The following AFG2A variants were observed in gnomAD, a reference collection of about 807,000 sequenced individuals.
AFG2A encodes AAA ATPase AFG2A, also known as ATPase family gene 2 protein homolog A.
At chr4:123,082,755 A>T in the AFG2A span, among the ~76,000 whole-genome samples, 1 of 152,042 alleles carries the variant, frequency 6.6e-6, no homozygotes, top group African/African-American at 2.4e-5. Flanking sequence ...GATCAAGTTG[A>T]AAAGAATTGA....
chr4:123,317,598 A>G, the AFG2A span: 1 of 152,248 alleles, frequency 6.6e-6, no homozygotes, highest in Non-Finnish European at 1.5e-5. Flanking sequence ...TCCTAGGTGC[A>G]TATCCCAGAG....
the AFG2A span, among the ~76,000 whole-genome samples, chr4:123,030,849 A>G: frequency 6.6e-6 from 1 of 152,214 alleles, no homozygotes; most frequent in Non-Finnish European, 1.5e-5. Flanking sequence ...TTTGGAATCT[A>G]AAATGCTAAA....
the AFG2A span, among the ~76,000 whole-genome samples, chr4:123,118,355 A>AT: frequency 7.4e-6 from 1 of 134,728 alleles, no homozygotes; most frequent in South Asian, 2.3e-4. Flanking sequence ...TATATATATT[A>AT]TATATATATA....
chr4:123,196,696 A>G, the AFG2A span, among the ~76,000 whole-genome samples: 1 of 152,184 alleles, frequency 6.6e-6, no homozygotes, highest in Non-Finnish European at 1.5e-5. Context: ...GGAAGAGTAA[A>G]GTAAAATTAC....
the AFG2A span, among the ~76,000 whole-genome samples, chr4:123,304,840 G>GAAA: frequency 6.6e-6 from 1 of 152,160 alleles, no homozygotes; most frequent in South Asian, 2.1e-4. Context: ...TGCAGCTGCA[G>GAAA]AAAAAGGACG....
the AFG2A span, among the ~76,000 whole-genome samples, chr4:123,099,766 A>G: frequency 6.6e-6 from 1 of 151,836 alleles, no homozygotes; most frequent in Non-Finnish European, 1.5e-5. Flanking sequence ...CCGAAAACTC[A>G]TAAATCTACA....
the AFG2A span, among the ~76,000 whole-genome samples, chr4:123,105,977 G>A: frequency 2.6e-3 from 391 of 152,314 alleles, no homozygotes; most frequent in Middle Eastern, 0.031. Context: ...AAGTTCTACT[G>A]TGGTTTACCC....
At chr4:123,261,767 T>TA in the AFG2A span, among the ~76,000 whole-genome samples, 17 of 152,152 alleles carry the variant, frequency 1.1e-4, no homozygotes, top group African/African-American at 4.1e-4. Flanking sequence ...GTTTAGCTGT[T>TA]ACCATATTTT....
the AFG2A span, among the ~76,000 whole-genome samples, chr4:123,061,436 G>A: frequency 2.0e-5 from 3 of 152,198 alleles, no homozygotes; most frequent in Admixed American, 2.0e-4. Context: ...TCACAATCAT[G>A]GAGGAAGGTG....
the AFG2A span, among the ~76,000 whole-genome samples, chr4:122,941,559 TAC>T: frequency 6.6e-6 from 1 of 152,276 alleles, no homozygotes; most frequent in Admixed American, 6.5e-5. Flanking sequence ...TTTCTAGATA[TAC>T]AATCATGTTG....
At chr4:123,256,325 A>G in the AFG2A span, 1 of 888,126 alleles carries the variant, frequency 1.1e-6, no homozygotes, top group Non-Finnish European at 1.7e-6. Flanking sequence ...TGACATAGTC[A>G]CTAAGTTAAA....
chr4:123,055,628 G>A, the AFG2A span, among the ~76,000 whole-genome samples: 7 of 152,142 alleles, frequency 4.6e-5, no homozygotes, highest in African/African-American at 7.2e-5. Flanking sequence ...GGCTGGACCC[G>A]TGATCTGCAT....
the AFG2A span, among the ~76,000 whole-genome samples, chr4:123,038,340 C>T: frequency 3.9e-5 from 6 of 152,012 alleles, no homozygotes; most frequent in Non-Finnish European, 8.8e-5. Flanking sequence ...TTAGTACATG[C>T]TGATTGCTGC....
the AFG2A span, among the ~76,000 whole-genome samples, chr4:123,094,511 A>C: frequency 1.3e-5 from 2 of 152,126 alleles, no homozygotes; most frequent in Admixed American, 6.6e-5. Flanking sequence ...AAGATTATAT[A>C]TCAAGAAAAA....
At chr4:123,193,035 G>C in the AFG2A span, among the ~76,000 whole-genome samples, 1 of 152,198 alleles carries the variant, frequency 6.6e-6, no homozygotes, top group Admixed American at 6.5e-5. Context: ...CGATCATCAA[G>C]TGGCTTTAAT....
chr4:123,140,570 C>G, the AFG2A span, among the ~76,000 whole-genome samples: 30 of 151,228 alleles, frequency 2.0e-4, no homozygotes, highest in Non-Finnish European at 4.1e-4. Context: ...TTGAAAAATA[C>G]TGAATTAAAT....
the AFG2A span, among the ~76,000 whole-genome samples, chr4:123,228,597 C>A: frequency 7.9e-5 from 12 of 152,016 alleles, no homozygotes; most frequent in Non-Finnish European, 1.3e-4. Flanking sequence ...TATTGTAAAC[C>A]AGAAATTATG....
the AFG2A span, among the ~76,000 whole-genome samples, chr4:123,146,654 G>A: frequency 6.6e-6 from 1 of 152,122 alleles, no homozygotes; most frequent in African/African-American, 2.4e-5. Context: ...AGTACCAAAC[G>A]AAACAAAGAA....
At chr4:123,231,309 C>G in the AFG2A span, among the ~76,000 whole-genome samples, 2 of 152,004 alleles carry the variant, frequency 1.3e-5, no homozygotes, top group Non-Finnish European at 2.9e-5. Context: ...TCATCACTTG[C>G]TGCCTGACCA....
Sources: allele counts gnomAD v4.1 joint callset (sites outside exome capture counted in the v4.1 genomes callset), GRCh38; gene constraint gnomAD v4.1.1; transcripts MANE v1.5; gene names NCBI Gene and HGNC (gene_info 2026-07-23, HGNC 2026-07-21).